Variants in ZNF391 observed in about 807,000 individuals in gnomAD.
ZNF391 encodes the protein zinc finger protein 391.
For synonymous variants in ZNF391, 126 were observed against 142.1 expected (o/e 0.89, Z 0.80); for missense variants, 375 against 425.5 (o/e 0.88, Z 1.04).
upstream of ZNF391, among the ~76,000 whole-genome samples, chr6:27,383,773 G>A (rs1017258018): frequency 4.6e-5 from 7 of 151,942 alleles, no homozygotes; most frequent in African/African-American, 1.7e-4. Flanking sequence ...TAAATTTTGG[G>A]GAGACACAAA....
chr6:27,389,403 T>G (rs1169851925), intron 1 of ZNF391: 1 of 456,370 alleles, frequency 2.2e-6, no homozygotes, highest in South Asian at 1.5e-5. Flanking sequence ...GTGCAGGCAC[T>G]GCTCCAAGAG....
intron 1 of ZNF391, among the ~76,000 whole-genome samples, chr6:27,393,151 A>G (rs1761752580): frequency 6.6e-6 from 1 of 152,254 alleles, no homozygotes; most frequent in African/African-American, 2.4e-5. Context: ...ATGAAAAAAC[A>G]ACTACACTTT....
In ZNF391 at chr6:27,388,811, G is replaced by A. The variant is rs1363764224; in HGVS notation, c.-452G>A. The stretch of plus-strand genomic sequence containing the variant: ...GTCCGCGTCAGGAGACTTAGGTCCA[G>A]GCGACTGCCCAGACAATGACTGGTC... On this transcript the variant is annotated 5_prime_UTR_variant, in exon 1 of 3. Transcript: ENST00000244576. 1 of 427,398 alleles carries A rather than the reference G, an allele frequency of 2.3e-6. No homozygotes were observed. The highest frequency in any genetic ancestry group is 4.6e-6 in the Non-Finnish European group (1 of 218,982). The allele number at this position is 427,398 out of a possible 1,614,324, so 26.5% of individuals were successfully genotyped here.
chr6:27,381,235 C>T (rs933858832), intron 1 of ZNF391, among the ~76,000 whole-genome samples: 1 of 152,218 alleles, frequency 6.6e-6, no homozygotes, highest in African/African-American at 2.4e-5. Flanking sequence ...TAAGGCCCGG[C>T]GAGAAATCGA....
chr6:27,389,834 T>TTAAGTTACAGAGGCTAG (rs70981160), intron 1 of ZNF391, among the ~76,000 whole-genome samples: 107,169 of 151,754 alleles, frequency 0.71, 38,084 homozygotes, highest in Middle Eastern at 0.8. Flanking sequence ...AAGTACTTGC[T>TTAAGTTACAGAGGCTAG]TGAGTGCCAG....
intron 1 of ZNF391, among the ~76,000 whole-genome samples, chr6:27,377,062 G>T: frequency 6.6e-6 from 1 of 152,142 alleles, no homozygotes; most frequent in East Asian, 1.9e-4. Context: ...CAACAACTGA[G>T]TCAGATGGAA....
upstream of ZNF391, among the ~76,000 whole-genome samples, chr6:27,386,560 T>C (rs1761585276): frequency 6.6e-6 from 1 of 152,092 alleles, no homozygotes; most frequent in South Asian, 2.1e-4. Context: ...AATAGGAATA[T>C]AGACCAATAA....
rs905641916 is a variant in ZNF391, at chr6:27,402,341, A to G, written c.*894A>G. On this transcript the variant is annotated 3_prime_UTR_variant, in exon 3 of 3. Coordinates refer to ENST00000244576, the MANE Select transcript of ZNF391 (RefSeq NM_001076781.3). ...TCTCTCAAGGACAAACCCAGTGCCTATTTCTCAGTCCTTTTTCTACTTGAC... is the reference window on the plus strand; with the variant it reads ...TCTCTCAAGGACAAACCCAGTGCCTGTTTCTCAGTCCTTTTTCTACTTGAC... 6.6e-6 allele frequency: 1 copy of G among 151,880 alleles called. No individual in the cohort carries two copies. Among genetic ancestry groups the G allele is most frequent in the Non-Finnish European group, 1.5e-5 (1 of 67,984 alleles). 9.4% of individuals were successfully genotyped at this position (151,880 alleles called of 1,614,324 possible).
intron 1 of ZNF391, among the ~76,000 whole-genome samples, chr6:27,398,806 C>G (rs2113660278): frequency 6.6e-6 from 1 of 152,206 alleles, no homozygotes; most frequent in African/African-American, 2.4e-5. Flanking sequence ...TTGCAGTGAG[C>G]CGAGATCGCG....
At chr6:27,384,716 A>G (rs965870216), upstream of ZNF391, among the ~76,000 whole-genome samples, 3 of 152,040 alleles carry the variant, frequency 2.0e-5, no homozygotes, top group African/African-American at 7.2e-5. Flanking sequence ...GAAAGAAAAA[A>G]TTAGAATTAT....
intron 1 of ZNF391, among the ~76,000 whole-genome samples, chr6:27,393,094 C>T (rs1761751530): frequency 6.6e-6 from 1 of 152,124 alleles, no homozygotes; most frequent in Non-Finnish European, 1.5e-5. Flanking sequence ...CATGCACAAA[C>T]ACATCTAATG....
At position 27,401,898 on chromosome 6, in the gene ZNF391, CTG is replaced by C. The variant is rs1282362733; in HGVS notation, c.*461_*462del. ...AGCCCCTGCACATGAAGAGAAAATC[CTG>C]TGTGTGTGTCTTCATACTTGCTGGC... is the stretch of plus-strand genomic sequence containing the variant. On this transcript the variant is annotated 3_prime_UTR_variant, in exon 3 of 3. Coordinates refer to ENST00000244576, the MANE Select transcript of ZNF391 (RefSeq NM_001076781.3). 2.6e-5 allele frequency: 4 copies of C among 156,230 alleles called. No individual in the cohort carries two copies. 9.7% of individuals were successfully genotyped at this position (156,230 alleles called of 1,614,324 possible).
chr6:27,392,294 C>T (rs916488959), intron 1 of ZNF391, among the ~76,000 whole-genome samples: 20 of 152,212 alleles, frequency 1.3e-4, no homozygotes, highest in African/African-American at 2.4e-4. Context: ...CTTGCTCTGT[C>T]GCCCAGGCCA....
At chr6:27,380,462 C>T (rs757476776) in intron 1 of ZNF391, among the ~76,000 whole-genome samples, 3 of 152,084 alleles carry the variant, frequency 2.0e-5, no homozygotes, top group Non-Finnish European at 4.4e-5. Context: ...CAGACCTTCG[C>T]GGTGAGTTTT....
In ZNF391 at chr6:27,402,785, T is replaced by G. The variant is rs1206954814; in HGVS notation, c.*1338T>G. The G allele has an allele frequency of 3.3e-5, 5 of 152,112 alleles. No homozygotes were observed. The highest frequency in any genetic ancestry group is 5.9e-5 in the Non-Finnish European group (4 of 68,032). The allele number at this position is 152,112 out of a possible 1,614,324, so 9.4% of individuals were successfully genotyped here. On this transcript the variant is annotated 3_prime_UTR_variant, in exon 3 of 3. Transcript: ENST00000244576. ...TTAAAGTTTTTTTGTGGAGACAGGA[T>G]CTCACTATATTGGCAAGGCTGGCCT...
At chr6:27,382,688 A>G (rs182935206) in intron 1 of ZNF391, among the ~76,000 whole-genome samples, 1 of 152,358 alleles carries the variant, frequency 6.6e-6, no homozygotes, top group Admixed American at 6.5e-5. Context: ...TATAAATTAT[A>G]AGAACCAGAA....
chr6:27,384,004 C>T (rs1761545151), upstream of ZNF391, among the ~76,000 whole-genome samples: 1 of 152,140 alleles, frequency 6.6e-6, no homozygotes, highest in South Asian at 2.1e-4. Context: ...GAATTCTATA[C>T]TCTGGAAAAA....
rs1301825851 is a variant in ZNF391, at chr6:27,403,273, G to C, written c.*1826G>C. The C allele has an allele frequency of 1.3e-5, 2 of 152,126 alleles. No individual in the cohort carries two copies. The highest frequency in any genetic ancestry group is 2.9e-5 in the Non-Finnish European group (2 of 68,036). The allele number at this position is 152,126 out of a possible 1,614,324, so 9.4% of individuals were successfully genotyped here. ...TCTCAAAGATAATACATGCGGGCAG[G>C]CCTGTTTTGTCCCTACTATACCCTC... On this transcript the variant is annotated 3_prime_UTR_variant, in exon 3 of 3. Transcript: ENST00000244576.
chr6:27,392,316 T>C (rs1434449647), intron 1 of ZNF391, among the ~76,000 whole-genome samples: 1 of 152,122 alleles, frequency 6.6e-6, no homozygotes, highest in Non-Finnish European at 1.5e-5. Context: ...AGTGCAGTGG[T>C]ACAGTCTTGG....
Sources: gnomAD v4.1 joint callset for allele counts (sites outside exome capture counted in the v4.1 genomes callset) on GRCh38, gnomAD v4.1.1 for gene constraint, MANE v1.5 for transcripts, NCBI Gene and HGNC (gene_info 2026-07-23, HGNC 2026-07-21) for gene names.